The following GOLGA4 variants were observed in gnomAD, a reference collection of about 807,000 sequenced individuals.
The protein encoded by GOLGA4 is golgin subfamily A member 4.
GOLGA4 carries 169 observed loss-of-function variants against 265.9 expected under a neutral mutation model. That is an observed-to-expected ratio of 0.64 (90% CI 0.56 to 0.72). GOLGA4 has a LOEUF of 0.72. Among genes scored for constraint, GOLGA4 ranks in the 30% least tolerant of loss-of-function variants. The pLI, the probability that GOLGA4 is intolerant of heterozygous loss-of-function variation, is 0.00. For missense variants in GOLGA4, 2,482 were observed against 2,483.4 expected, an observed-to-expected ratio of 1.00 and a Z score of 0.01; for synonymous variants, 923 against 855.8, an observed-to-expected ratio of 1.08 and a Z score of -1.37.
At chr3:37,303,207 A>G (rs923623853) in intron 10 of GOLGA4, among the ~76,000 whole-genome samples, 1 of 152,250 alleles carries the variant, frequency 6.6e-6, no homozygotes, top group East Asian at 1.9e-4. Flanking sequence ...TTTGATATAC[A>G]GAGTAACAGG....
Position 37,275,661 on chromosome 3 carries a change from C to T in GOLGA4, c.163-6297C>T, listed in dbSNP as rs201315116. 1.4e-4 allele frequency: 225 copies of T among 1,610,190 alleles called. 1 individual carries two copies. The East Asian group carries it at 3.9e-3, about 28-fold the overall frequency. ...AGCTTCGCCCACTTCCCCTTGCCAG[C>T]GGGGTGGGCGCGGAGAAGACCTGCC... On this transcript the variant is annotated intron_variant, in intron 2 of 23. Coordinates refer to ENST00000361924, the MANE Select transcript of GOLGA4 (RefSeq NM_002078.5).
Position 37,302,173 on chromosome 3 carries a change from A to T in GOLGA4, c.1087-12A>T. ...GTTATGCAAATGTTTTAGAGTCTTC[A>T]CTTCTATTCAGGGAATGGTAATCGC... On this transcript the variant is annotated splice_polypyrimidine_tract_variant and intron_variant, in intron 9 of 23. Transcript: ENST00000361924. 1 of 1,609,646 alleles carries T rather than the reference A, an allele frequency of 6.2e-7. No individual in the cohort carries two copies. Among genetic ancestry groups the T allele is most frequent in the South Asian group, 1.1e-5 (1 of 90,876 alleles).
intron 2 of GOLGA4, among the ~76,000 whole-genome samples, chr3:37,264,973 A>G (rs1469097712): frequency 2.0e-5 from 3 of 151,872 alleles, no homozygotes; most frequent in Admixed American, 2.0e-4. Context: ...TTTGTGGGGG[A>G]GGCCCTATAT....
At chr3:37,342,668 T>G (rs1401330745) in intron 20 of GOLGA4, among the ~76,000 whole-genome samples, 2 of 152,186 alleles carry the variant, frequency 1.3e-5, no homozygotes, top group Non-Finnish European at 2.9e-5. Flanking sequence ...AGTTGTTCAT[T>G]TCCATTATAT....
chr3:37,319,050 G>C lies in GOLGA4; in HGVS notation c.1414-13G>C. 6.4e-7 allele frequency: 1 copy of C among 1,565,294 alleles called. No homozygotes were observed. The highest frequency in any genetic ancestry group is 2.3e-5 in the East Asian group (1 of 44,320). The stretch of plus-strand genomic sequence containing the variant: ...CTGGGTGTCCTTATATTATCTATTT[G>C]GCTCATTTTCAGAAATCCTCAGAAG... On this transcript the variant is annotated splice_polypyrimidine_tract_variant and intron_variant, in intron 11 of 23. Transcript: ENST00000361924.
chr3:37,261,024 G>C (rs1226669129), intron 2 of GOLGA4, among the ~76,000 whole-genome samples: 1 of 149,958 alleles, frequency 6.7e-6, no homozygotes, highest in Admixed American at 6.6e-5. Flanking sequence ...AAAAAAATTA[G>C]CCAGGTGTGG....
At chr3:37,318,719 G>A (rs1463151574) in intron 11 of GOLGA4, among the ~76,000 whole-genome samples, 3 of 152,148 alleles carry the variant, frequency 2.0e-5, no homozygotes, top group Non-Finnish European at 4.4e-5. Flanking sequence ...TGCAGCGAGG[G>A]CGCACCTTCA....
At chr3:37,289,156 A>G in intron 4 of GOLGA4, 79 bp from the exon 5 acceptor site, 1 of 761,898 alleles carries the variant, frequency 1.3e-6, no homozygotes, top group Non-Finnish European at 2.2e-6. Flanking sequence ...TTTAAAAATA[A>G]TTATTTTTGA....
chr3:37,310,178 A>T (rs1578628441), intron 10 of GOLGA4, among the ~76,000 whole-genome samples: 1 of 152,130 alleles, frequency 6.6e-6, no homozygotes, highest in African/African-American at 2.4e-5. Flanking sequence ...TATTTCCTAC[A>T]CTGGGAGTAG....
chr3:37,267,062 T>C (rs1332238210), intron 2 of GOLGA4: 1 of 335,954 alleles, frequency 3.0e-6, no homozygotes, highest in East Asian at 8.4e-5. Flanking sequence ...CAGTGTCCTG[T>C]TGCTAACCCT....
rs559977421 is a variant in GOLGA4 at position 37,284,566 on chromosome 3, T to C, written c.478-1448T>C. ...CACACCCGGCTGTGAACACCATTTT[T>C]CTATCTGGTGTTATGATAATAATAA... On this transcript the variant is annotated intron_variant, in intron 3 of 23. Coordinates refer to ENST00000361924, the MANE Select transcript of GOLGA4 (RefSeq NM_002078.5). 3.3e-5 allele frequency among the ~76,000 whole-genome samples: 5 copies of C among 152,204 alleles called. No individual in the cohort carries two copies. In the South Asian group the frequency reaches 1.0e-3, roughly 32 times the overall value.
intron 2 of GOLGA4, among the ~76,000 whole-genome samples, chr3:37,258,526 C>A (rs1324830605): frequency 6.6e-6 from 1 of 151,748 alleles, no homozygotes; most frequent in South Asian, 2.1e-4. Context: ...TGAGGTTTCA[C>A]CATGTTGGCC....
chr3:37,262,319 A>C (rs1306671585), intron 2 of GOLGA4, among the ~76,000 whole-genome samples: 2 of 152,200 alleles, frequency 1.3e-5, no homozygotes, highest in African/African-American at 2.4e-5. Flanking sequence ...CAGCCTGGCC[A>C]ACATGGCAAA....
At chr3:37,285,072 C>T (rs779892817) in intron 3 of GOLGA4, among the ~76,000 whole-genome samples, 2 of 152,054 alleles carry the variant, frequency 1.3e-5, no homozygotes, top group African/African-American at 2.4e-5. Flanking sequence ...CCTCTTAAAC[C>T]TGCAGCTTAT....
At chr3:37,305,273 T>G (rs2096903128) in intron 10 of GOLGA4, among the ~76,000 whole-genome samples, 1 of 152,188 alleles carries the variant, frequency 6.6e-6, no homozygotes, top group Non-Finnish European at 1.5e-5. Flanking sequence ...GATAACAAAG[T>G]TGTAAGTGCT....
chr3:37,275,763 C>T, intron 2 of GOLGA4: 1 of 1,613,324 alleles, frequency 6.2e-7, no homozygotes, highest in South Asian at 1.1e-5. Context: ...GCGGCTGGAG[C>T]ATTGGATTTG....
chr3:37,245,294 C>A (rs1380050057), intron 1 of GOLGA4: 1 of 152,600 alleles, frequency 6.6e-6, no homozygotes, highest in South Asian at 2.1e-4. Flanking sequence ...TATAATTCCT[C>A]TTTTATAGAT....
At chr3:37,244,009 G>C in intron 1 of GOLGA4, 1 of 211,502 alleles carries the variant, frequency 4.7e-6, no homozygotes, top group Non-Finnish European at 9.5e-6. Context: ...GGTCCCTTGT[G>C]ATATCTGACC....
At chr3:37,249,190 A>T (rs943088097) in intron 1 of GOLGA4, among the ~76,000 whole-genome samples, 2 of 152,188 alleles carry the variant, frequency 1.3e-5, no homozygotes, top group African/African-American at 2.4e-5. Flanking sequence ...AATTTATCTC[A>T]ACTTTAATGA....
Sources: allele counts gnomAD v4.1 joint callset (sites outside exome capture counted in the v4.1 genomes callset), GRCh38; gene constraint gnomAD v4.1.1; transcripts MANE v1.5; gene names NCBI Gene and HGNC (gene_info 2026-07-23, HGNC 2026-07-21).